Variants in ZFPM2 observed in about 807,000 individuals in gnomAD.
ZFPM2 encodes zinc finger protein, FOG family member 2.
ZFPM2 carries 20 observed loss-of-function variants against 98.6 expected under a neutral mutation model. That is an observed-to-expected ratio of 0.20 (90% CI 0.14 to 0.29). The LOEUF is 0.29. ZFPM2 is among the 10% of genes least tolerant of loss of function. The pLI is 1.00. For missense variants in ZFPM2, 1,310 were observed against 1,388.6 expected, an observed-to-expected ratio of 0.94 and a Z score of 0.90; for synonymous variants, 518 against 502.7, an observed-to-expected ratio of 1.03 and a Z score of -0.41.
At position 105,561,359 on chromosome 8, in the gene ZFPM2, G is replaced by A. The variant is rs372818742; in HGVS notation, c.302-4G>A. The stretch of plus-strand genomic sequence containing the variant: ...TCTAAACACTTCTGTTCCTTTGTCT[G>A]CAGGAGAGCTGGAGGTGTTTCAGAA... On this transcript the variant is annotated splice_region_variant and splice_polypyrimidine_tract_variant and intron_variant, in intron 3 of 7. Transcript: ENST00000407775. The A allele has an allele frequency of 2.0e-5, 33 of 1,611,642 alleles. No homozygotes were observed. The highest frequency in any genetic ancestry group is 2.8e-5 in the Non-Finnish European group (33 of 1,178,260).
intron 1 of ZFPM2, among the ~76,000 whole-genome samples, chr8:105,363,019 G>T (rs1586317769): frequency 6.6e-6 from 1 of 152,110 alleles, no homozygotes; most frequent in East Asian, 1.9e-4. Flanking sequence ...TTTTCACTTG[G>T]TTAACTTGGT....
intron 3 of ZFPM2, among the ~76,000 whole-genome samples, chr8:105,552,895 T>C (rs2130668532): frequency 6.7e-6 from 1 of 148,200 alleles, no homozygotes; most frequent in East Asian, 2.1e-4. Flanking sequence ...TAGTCCTTGA[T>C]CCCCCCCGGG....
intron 3 of ZFPM2, among the ~76,000 whole-genome samples, chr8:105,560,971 G>T (rs1459206429): frequency 6.6e-6 from 1 of 152,096 alleles, no homozygotes; most frequent in Non-Finnish European, 1.5e-5. Context: ...TCCAGATATT[G>T]TTGTTTGACA....
rs537425156 is a variant in ZFPM2 at position 105,421,826 on chromosome 8, G to C, written c.199+2524G>C. Among the ~76,000 whole-genome samples, 6 of 152,112 alleles carry C rather than the reference G, an allele frequency of 3.9e-5. No homozygotes were observed. The East Asian group carries it at 1.2e-3, about 30-fold the overall frequency. On this transcript the variant is annotated intron_variant, in intron 2 of 7. Coordinates refer to ENST00000407775, the MANE Select transcript of ZFPM2 (RefSeq NM_012082.4). ...CTAGCACTTTGGGAGGCTGAGGCGG[G>C]TGGATCACCTGAGGTCAGGAGACCA...
chr8:105,594,800 A>G (rs73309944), intron 4 of ZFPM2, among the ~76,000 whole-genome samples: 1,783 of 152,192 alleles, frequency 0.012, 29 homozygotes, highest in African/African-American at 0.041. Context: ...TCATGGATTC[A>G]GCAAACACTT....
chr8:105,549,628 T>A (rs969047581), intron 3 of ZFPM2, among the ~76,000 whole-genome samples: 2 of 150,218 alleles, frequency 1.3e-5, no homozygotes, highest in Admixed American at 6.7e-5. Context: ...TTTTTTTTAA[T>A]TGAGACAGGG....
intron 3 of ZFPM2, among the ~76,000 whole-genome samples, chr8:105,555,758 G>A (rs1392056280): frequency 6.6e-5 from 10 of 152,140 alleles, no homozygotes; most frequent in Non-Finnish European, 1.3e-4. Context: ...GTTTTCTCTA[G>A]AATTCAGAGA....
chr8:105,665,908 T>C (rs1217806582), intron 5 of ZFPM2, among the ~76,000 whole-genome samples: 2 of 152,190 alleles, frequency 1.3e-5, no homozygotes, highest in East Asian at 3.8e-4. Flanking sequence ...TGTGAACTAA[T>C]GCTGCCTTAA....
intron 6 of ZFPM2, chr8:105,796,853 C>T (rs983598837): frequency 2.0e-5 from 3 of 152,174 alleles, no homozygotes; most frequent in African/African-American, 7.2e-5. Context: ...TCTGGCATCC[C>T]TCTGGATGGT....
intron 1 of ZFPM2, among the ~76,000 whole-genome samples, chr8:105,403,509 G>A (rs12545916): frequency 0.34 from 51,173 of 151,772 alleles, 10,185 homozygotes; most frequent in African/African-American, 0.56. Context: ...AAAATCTTAC[G>A]GAAAACATGA....
chr8:105,711,590 A>C (rs1459727309), intron 5 of ZFPM2, among the ~76,000 whole-genome samples: 1 of 152,054 alleles, frequency 6.6e-6, no homozygotes, highest in Non-Finnish European at 1.5e-5. Flanking sequence ...TTATCCAGAA[A>C]ATATTCAGAG....
chr8:105,336,661 T>C (rs1034032838), intron 1 of ZFPM2, among the ~76,000 whole-genome samples: 1 of 149,676 alleles, frequency 6.7e-6, no homozygotes, highest in African/African-American at 2.5e-5. Context: ...CTTTATAAGA[T>C]AGATTGATAT....
chr8:105,419,247 A>G lies in ZFPM2; in HGVS notation c.144A>G (p.Thr48=). Residue 48 remains threonine, a synonymous_variant, in exon 2 of 8, where the codon ACA becomes ACG. Coordinates refer to ENST00000407775, the MANE Select transcript of ZFPM2 (RefSeq NM_012082.4). ...GDFPLEESFS[T]EFGPENLSCE... is the part of the protein sequence containing the mutation. Reference sequence around the variant, plus strand: ...TTCCATTGGAGGAAAGCTTTTCCACAGAATTTGGGCCTGAAAATCTGAGCT... The same window carrying G: ...TTCCATTGGAGGAAAGCTTTTCCACGGAATTTGGGCCTGAAAATCTGAGCT... 6.2e-7 allele frequency: 1 copy of G among 1,613,708 alleles called. No homozygotes were observed. The highest frequency in any genetic ancestry group is 1.1e-5 in the South Asian group (1 of 91,044).
intron 3 of ZFPM2, among the ~76,000 whole-genome samples, chr8:105,466,150 T>G (rs1387977387): frequency 6.6e-6 from 1 of 151,994 alleles, no homozygotes; most frequent in African/African-American, 2.4e-5. Flanking sequence ...TTTTTAATAT[T>G]TTAATATGAA....
intron 4 of ZFPM2, among the ~76,000 whole-genome samples, chr8:105,593,798 C>CA (rs904114902): frequency 1.3e-5 from 2 of 151,332 alleles, no homozygotes; most frequent in East Asian, 1.9e-4. Flanking sequence ...ATCACAGTTG[C>CA]AAAAAAAATT....
chr8:105,799,933 T>G (rs1003543288), intron 7 of ZFPM2, among the ~76,000 whole-genome samples: 1 of 152,168 alleles, frequency 6.6e-6, no homozygotes, highest in Non-Finnish European at 1.5e-5. Context: ...CCTGTAAAAG[T>G]AGGTCATTTC....
At chr8:105,489,638 AT>A (rs1813318756) in intron 3 of ZFPM2, among the ~76,000 whole-genome samples, 1 of 150,680 alleles carries the variant, frequency 6.6e-6, no homozygotes, top group Admixed American at 6.6e-5. Context: ...TAATTTTTGT[AT>A]TTTTAGTAGA....
intron 4 of ZFPM2, among the ~76,000 whole-genome samples, chr8:105,614,080 A>C (rs149989370): frequency 3.3e-5 from 5 of 152,252 alleles, no homozygotes; most frequent in Non-Finnish European, 5.9e-5. Flanking sequence ...ACTTGCCATT[A>C]ATTACCTTCA....
chr8:105,743,193 G>T (rs116845589), intron 5 of ZFPM2, among the ~76,000 whole-genome samples: 24 of 152,058 alleles, frequency 1.6e-4, no homozygotes, highest in Non-Finnish European at 2.8e-4. Flanking sequence ...AACAGCTAGT[G>T]GGGCAAAGGG....
Sources: gnomAD v4.1 joint callset for allele counts (sites outside exome capture counted in the v4.1 genomes callset) on GRCh38, gnomAD v4.1.1 for gene constraint, MANE v1.5 for transcripts, NCBI Gene and HGNC (gene_info 2026-07-23, HGNC 2026-07-21) for gene names.